The following ZRANB3 variants were observed in gnomAD, a reference collection of about 807,000 sequenced individuals.
ZRANB3 encodes the protein DNA annealing helicase and endonuclease ZRANB3.
ZRANB3 carries 125 observed loss-of-function variants against 133.8 expected under a neutral mutation model. That is an observed-to-expected ratio of 0.93 (90% confidence interval 0.81 to 1.08). ZRANB3 has a LOEUF of 1.08. ZRANB3 is among the 50% of genes least tolerant of loss of function. ZRANB3 has a pLI of 0.00. For missense variants in ZRANB3, 1,229 were observed against 1,275.5 expected (o/e 0.96, Z 0.56); for synonymous variants, 387 against 432.7 (o/e 0.89, Z 1.31).
chr2:135,333,192 T>C (rs1475595571), intron 6 of ZRANB3, among the ~76,000 whole-genome samples: 1 of 152,166 alleles, frequency 6.6e-6, no homozygotes, highest in Non-Finnish European at 1.5e-5. Context: ...TAACCCTCTA[T>C]TTTTCCATTT....
At chr2:135,347,607 C>T (rs1342915512) in intron 5 of ZRANB3, among the ~76,000 whole-genome samples, 2 of 152,112 alleles carry the variant, frequency 1.3e-5, no homozygotes, top group African/African-American at 4.8e-5. Flanking sequence ...TGGGTATATA[C>T]CTAAGAATAA....
chr2:135,508,665 T>C (rs1224633286), intron 1 of ZRANB3, among the ~76,000 whole-genome samples: 2 of 152,164 alleles, frequency 1.3e-5, no homozygotes, highest in African/African-American at 4.8e-5. Context: ...TATGTAGTGG[T>C]ACAATGTAAT....
chr2:135,471,318 A>G (rs959691366), intron 2 of ZRANB3, among the ~76,000 whole-genome samples: 3 of 152,152 alleles, frequency 2.0e-5, no homozygotes, highest in African/African-American at 7.2e-5. Context: ...ACTGTAACAC[A>G]TAATTTCCCT....
rs192038303 is a variant in ZRANB3, at chr2:135,207,425, A to G, written c.3009+9T>C. The G allele has an allele frequency of 4.8e-5, 77 of 1,592,162 alleles. No homozygotes were observed. The East Asian group carries it at 1.5e-3, about 32-fold the overall frequency. The stretch of plus-strand genomic sequence containing the variant: ...GCTGCCTTCTATCTATCACATGATT[A>G]TAACTTACCTGTTCTAATGGGAGCT... On this transcript the variant is annotated intron_variant, in intron 19 of 20. Coordinates refer to ENST00000264159, the MANE Select transcript of ZRANB3 (RefSeq NM_032143.4).
chr2:135,275,403 C>G (rs1018099604), intron 9 of ZRANB3, among the ~76,000 whole-genome samples: 1 of 149,970 alleles, frequency 6.7e-6, no homozygotes, highest in Non-Finnish European at 1.5e-5. Context: ...TTTAATCAAT[C>G]CAGATAATTT....
At chr2:135,401,328 C>T (rs184986324) in intron 2 of ZRANB3, among the ~76,000 whole-genome samples, 46 of 152,288 alleles carry the variant, frequency 3.0e-4, no homozygotes, top group African/African-American at 9.9e-4. Context: ...AGAGAGATTT[C>T]AATAACACCC....
At chr2:135,355,035 T>G (rs1558939126) in intron 3 of ZRANB3, among the ~76,000 whole-genome samples, 1 of 152,068 alleles carries the variant, frequency 6.6e-6, no homozygotes, top group Non-Finnish European at 1.5e-5. Context: ...ATGCAGAAAC[T>G]GAAAACAAAG....
chr2:135,294,720 T>A (rs1047217370), intron 8 of ZRANB3, among the ~76,000 whole-genome samples: 2 of 152,204 alleles, frequency 1.3e-5, no homozygotes, highest in African/African-American at 4.8e-5. Context: ...TCCTGCTTTC[T>A]CTTGTGGGCA....
intron 1 of ZRANB3, among the ~76,000 whole-genome samples, chr2:135,517,410 A>T (rs1693744718): frequency 6.6e-6 from 1 of 152,008 alleles, no homozygotes; most frequent in South Asian, 2.1e-4. Flanking sequence ...TCGTGGATTT[A>T]TCTACCTTTG....
intron 1 of ZRANB3, among the ~76,000 whole-genome samples, chr2:135,521,694 A>G (rs1189270330): frequency 6.6e-6 from 1 of 152,192 alleles, no homozygotes; most frequent in Non-Finnish European, 1.5e-5. Flanking sequence ...TGAAAATAGA[A>G]TATATATAAG....
intron 2 of ZRANB3, among the ~76,000 whole-genome samples, chr2:135,449,571 G>C (rs1272210070): frequency 6.6e-6 from 1 of 152,174 alleles, no homozygotes; most frequent in African/African-American, 2.4e-5. Context: ...AGTGAGTCGA[G>C]ATTGCTCCAC....
intron 12 of ZRANB3, among the ~76,000 whole-genome samples, chr2:135,244,424 G>A (rs894387149): frequency 5.9e-5 from 9 of 152,192 alleles, no homozygotes; most frequent in South Asian, 2.1e-4. Context: ...TGGCCAACAC[G>A]GTGAAACCCT....
At chr2:135,356,660 T>C (rs987879175) in intron 3 of ZRANB3, among the ~76,000 whole-genome samples, 3 of 152,212 alleles carry the variant, frequency 2.0e-5, no homozygotes, top group African/African-American at 7.2e-5. Flanking sequence ...AAATGTCCAT[T>C]AGAATCTGTT....
At chr2:135,219,851 T>G (rs778735656) in intron 15 of ZRANB3, among the ~76,000 whole-genome samples, 7 of 152,044 alleles carry the variant, frequency 4.6e-5, no homozygotes, top group Non-Finnish European at 7.4e-5. Flanking sequence ...CATCAATCGG[T>G]GCACAACATC....
At chr2:135,275,099 C>T (rs1288065770) in intron 9 of ZRANB3, among the ~76,000 whole-genome samples, 87 of 152,062 alleles carry the variant, frequency 5.7e-4, no homozygotes, top group Middle Eastern at 3.4e-3. Flanking sequence ...TCGACAAAAC[C>T]GCCATCGTCA....
intron 2 of ZRANB3, among the ~76,000 whole-genome samples, chr2:135,415,415 T>C (rs1441256546): frequency 1.3e-5 from 2 of 152,130 alleles, no homozygotes; most frequent in African/African-American, 4.8e-5. Flanking sequence ...AGGAAGAAGT[T>C]GAATCTCTGA....
rs993692574 is a variant in ZRANB3 at position 135,397,457 on chromosome 2, A to AAAAAG, written c.162-6642_162-6638dup. On this transcript the variant is annotated intron_variant, in intron 2 of 20. Coordinates refer to ENST00000264159, the MANE Select transcript of ZRANB3 (RefSeq NM_032143.4). The stretch of plus-strand genomic sequence containing the variant: ...AGCCAGACCCTGACTCAAAAAAAAA[A>AAAAAG]AAAAGAAAAGAAAAGAAAAGAAAAA... Among the ~76,000 whole-genome samples the AAAAAG allele has an allele frequency of 4.6e-3, 704 of 151,790 alleles. 3 individuals carry two copies. The highest frequency in any genetic ancestry group is 0.016 in the African/African-American group (667 of 41,410).
chr2:135,529,741 C>A (rs1694359185), intron 1 of ZRANB3, among the ~76,000 whole-genome samples: 1 of 151,590 alleles, frequency 6.6e-6, no homozygotes, highest in Non-Finnish European at 1.5e-5. Context: ...TCTCGAACTC[C>A]TGACCTCAAG....
chr2:135,269,940 T>C (rs927302890), intron 10 of ZRANB3, among the ~76,000 whole-genome samples: 4 of 152,194 alleles, frequency 2.6e-5, no homozygotes, highest in African/African-American at 9.6e-5. Context: ...CAATGCTGTT[T>C]GTTGTTCATA....
Sources: allele counts gnomAD v4.1 joint callset (sites outside exome capture counted in the v4.1 genomes callset), GRCh38; gene constraint gnomAD v4.1.1; transcripts MANE v1.5; gene names NCBI Gene and HGNC (gene_info 2026-07-23, HGNC 2026-07-21).